DVL2: variants seen among roughly 807,000 people sequenced by gnomAD.
DVL2 encodes segment polarity protein dishevelled homolog DVL-2.
In DVL2, 38 loss-of-function variants were observed where a neutral mutation model predicts 69.8. The ratio of observed to expected loss-of-function variants is 0.54; its 90% CI spans 0.42 to 0.71. The LOEUF (loss-of-function observed/expected upper bound fraction) is 0.71, where lower values mean the gene tolerates loss of function less well. Ranked by LOEUF, DVL2 falls within the 30% of genes least tolerant of loss-of-function variation. The pLI is 0.00. For missense variants in DVL2, 931 were observed against 1,008.1 expected (o/e 0.92, Z 1.04); for synonymous variants, 428 against 392.4 (o/e 1.09, Z -1.07).
chr17:7,230,697 G>C, intron 2 of DVL2, 31 bp downstream of exon 2: 1 of 1,594,134 alleles, frequency 6.3e-7, no homozygotes, highest in Non-Finnish European at 8.6e-7. Flanking sequence ...AATGCTGAGG[G>C]GGCCTGGTCC....
chr17:7,231,894 A>C (rs2071549034), intron 1 of DVL2, among the ~76,000 whole-genome samples: 1 of 149,458 alleles, frequency 6.7e-6, no homozygotes, highest in Admixed American at 6.7e-5. Context: ...CACCCATTGG[A>C]TCAAACAAAC....
In DVL2 at chr17:7,230,287, G is replaced by A. The variant is rs2071523004; in HGVS notation, c.408C>T (p.Phe136=). ...SGIGDSRPPS[F]HPNVSSSHEN... ...AGTCAAGAATCTGAAGGACTCACTG[G>A]AAGGATGGAGGCCTTGAGTCCCCAA... The change falls in exon 3 of 15, where the codon TTC becomes TTT. Residue 136 remains phenylalanine (F), a splice_region_variant and synonymous_variant. Coordinates refer to ENST00000005340, the MANE Select transcript of DVL2 (RefSeq NM_004422.3). 1 of 1,614,134 alleles carries A rather than the reference G, an allele frequency of 6.2e-7. No homozygotes were observed. The highest frequency in any genetic ancestry group is 2.2e-5 in the East Asian group (1 of 44,872).
rs1292933775 is a variant in DVL2, at chr17:7,227,079, G to A, written c.1543+11C>T. The A allele has an allele frequency of 2.5e-6, 4 of 1,599,892 alleles. No individual in the cohort carries two copies. Among genetic ancestry groups the A allele is most frequent in the South Asian group, 1.1e-5 (1 of 89,230 alleles). On this transcript the variant is annotated intron_variant, in intron 13 of 14. Transcript: ENST00000005340. ...AAGCCACACTCCCAGAGTTGGGGCA[G>A]GGGGACTTACAGCTCTCACAGCCAC...
rs1044562820 is a variant in DVL2, at chr17:7,234,324, G to T, written c.-62C>A. 2 of 1,548,088 alleles carry T rather than the reference G, an allele frequency of 1.3e-6. No homozygotes were observed. The highest frequency in any genetic ancestry group is 2.7e-5 in the African/African-American group (2 of 72,886). On this transcript the variant is annotated 5_prime_UTR_variant, in exon 1 of 15. Transcript: ENST00000005340. Reference sequence around the variant, plus strand: ...CCAAAGGGCTAATGGCCCCTGCCGCGCCTGCGCACACCCGCAAACCGACGC... The same window carrying T: ...CCAAAGGGCTAATGGCCCCTGCCGCTCCTGCGCACACCCGCAAACCGACGC...
Position 7,226,653 on chromosome 17 carries a change from G to A in DVL2, c.1544-14C>T, listed in dbSNP as rs867386566. ...GGTTGACTAGGTCTGGAAAGCAAGG[G>A]AAGAGAGGAAGAAATCACTGCTTCA... On this transcript the variant is annotated splice_polypyrimidine_tract_variant and intron_variant, in intron 13 of 14. Coordinates refer to ENST00000005340, the MANE Select transcript of DVL2 (RefSeq NM_004422.3). 9.2e-6 allele frequency: 14 copies of A among 1,517,922 alleles called. No individual in the cohort carries two copies. In the Middle Eastern group the frequency reaches 1.8e-3, roughly 197 times the overall value. The allele number at this position is 1,517,922 out of a possible 1,614,324, so 94.0% of individuals were successfully genotyped here.
rs62059164 is a variant in DVL2, at chr17:7,228,052, G to A, written c.1035-8C>T. 2.0e-3 allele frequency: 3,084 copies of A among 1,531,234 alleles called. 47 individuals are homozygous for A. The African/African-American group carries it at 0.033, about 16-fold the overall frequency. The allele number at this position is 1,531,234 out of a possible 1,614,324, so 94.9% of individuals were successfully genotyped here. ...ACAGTCAGCACAATGGGGCTATGGG[G>A]AAGAGAAGTCCAGTCAAGGGCGCAG... is the stretch of plus-strand genomic sequence containing the variant. On this transcript the variant is annotated splice_polypyrimidine_tract_variant and splice_region_variant and intron_variant, in intron 9 of 14. Coordinates refer to ENST00000005340, the MANE Select transcript of DVL2 (RefSeq NM_004422.3).
chr17:7,227,914 C>T (rs1367270213), intron 10 of DVL2, 63 bp downstream of exon 10: 42 of 1,572,676 alleles, frequency 2.7e-5, no homozygotes, highest in Admixed American at 5.2e-5. Context: ...ACCACAGGCC[C>T]GGCCCCAGCC....
chr17:7,226,116 C>A lies in DVL2; in HGVS notation c.1960G>T (p.Gly654Cys). 1 of 1,598,844 alleles carries A rather than the reference C, an allele frequency of 6.3e-7. No individual in the cohort carries two copies. The highest frequency in any genetic ancestry group is 8.5e-7 in the Non-Finnish European group (1 of 1,172,006). Residue 654 changes from glycine to cysteine, a missense_variant, in exon 15 of 15, where the codon GGT (glycine) becomes TGT (cysteine). Physicochemically the swap from Gly to Cys is radical, Grantham distance 159 (BLOSUM62 -3). Coordinates refer to ENST00000005340, the MANE Select transcript of DVL2 (RefSeq NM_004422.3). ...GGGTGGGCTCGGAGATTAGGGGCACCCCCAGTTGAGCCTCTGGATGGAGGA... is the reference window on the plus strand; with the variant it reads ...GGGTGGGCTCGGAGATTAGGGGCACACCCAGTTGAGCCTCTGGATGGAGGA... ...GPPPSRGSTG[G>C]APNLRAHPGL...
rs764040369 is a variant in DVL2 at position 7,230,836 on chromosome 17, A to G, written c.195-39T>C. On this transcript the variant is annotated intron_variant, in intron 1 of 14. Transcript: ENST00000005340. ...AGGTAGAGGTCAGTGAGCTGGACCA[A>G]CCATCCCCACCCCGACCCCCATCAA... The G allele has an allele frequency of 2.7e-6, 4 of 1,505,786 alleles. No individual in the cohort carries two copies. In the South Asian group the frequency reaches 4.7e-5, roughly 18 times the overall value. The allele number at this position is 1,505,786 out of a possible 1,614,324, so 93.3% of individuals were successfully genotyped here.
At chr17:7,226,865 C>T (rs2071461577) in intron 13 of DVL2, 1 of 631,612 alleles carries the variant, frequency 1.6e-6, no homozygotes, top group African/African-American at 1.8e-5. Flanking sequence ...AAGAGGTGCA[C>T]CTTCCCCCGG....
rs1015638798 is a variant in DVL2, at chr17:7,230,082, C to T, written c.484G>A (p.Glu162Lys). ...ETESVVSLRR[E>K]RPRRRDSSEH... Reference sequence around the variant, plus strand: ...CTGCTGTCTCTCCTGCGAGGCCGCTCCCGCCTCAGTGACACTACTGACTCG... The same window carrying T: ...CTGCTGTCTCTCCTGCGAGGCCGCTTCCGCCTCAGTGACACTACTGACTCG... Residue 162 changes from glutamate to lysine, a missense_variant, in exon 4 of 15, where the codon GAG becomes AAG. Glu to Lys is a moderately conservative substitution (Grantham distance 56). Transcript: ENST00000005340. 3 of 1,614,066 alleles carry T rather than the reference C, an allele frequency of 1.9e-6. No homozygotes were observed. The African/African-American group carries it at 4.0e-5, about 22-fold the overall frequency.
At chr17:7,226,719 G>A (rs918547537) in intron 13 of DVL2, 80 bp from the exon 14 acceptor site, 7 of 1,155,086 alleles carry the variant, frequency 6.1e-6, no homozygotes, top group Middle Eastern at 2.7e-4. Context: ...GAGGAACTGG[G>A]AACAGTTCTC....
chr17:7,225,950 G>A lies in DVL2; in HGVS notation c.2126C>T (p.Ser709Phe), dbSNP rs2071437222. The change falls in exon 15 of 15, where the codon TCT becomes TTT. Residue 709 changes from serine (S) to phenylalanine (F), a missense_variant. By Grantham distance (155) the Ser-to-Phe change is radical (BLOSUM62 -2). This residue lies in a region of DVL2 where 314 missense variants were observed against 313.7 expected (regional missense o/e 1.00). Coordinates refer to ENST00000005340, the MANE Select transcript of DVL2 (RefSeq NM_004422.3). ...PGAPPVRDLG[S>F]VPPELTASRQ... is the part of the protein sequence containing the mutation. Reference sequence around the variant, plus strand: ...GCTGGCTGTCAGTTCTGGGGGCACAGAGCCCAGGTCTCTGACTGGAGGGGC... The same window carrying A: ...GCTGGCTGTCAGTTCTGGGGGCACAAAGCCCAGGTCTCTGACTGGAGGGGC... 1.9e-6 allele frequency: 3 copies of A among 1,613,734 alleles called. No homozygotes were observed. The highest frequency in any genetic ancestry group is 2.5e-6 in the Non-Finnish European group (3 of 1,180,038).
chr17:7,230,725 T>C lies in DVL2; in HGVS notation c.264+3A>G, dbSNP rs773972854. On this transcript the variant is annotated splice_donor_region_variant and intron_variant, in intron 2 of 14. Transcript: ENST00000005340. Reference sequence around the variant, plus strand: ...CCTGGTCCTCGGTGTCAGAACCTCTTACCCAGGATACCACCCTTCCGTTGA... The same window carrying C: ...CCTGGTCCTCGGTGTCAGAACCTCTCACCCAGGATACCACCCTTCCGTTGA... 3.7e-6 allele frequency: 6 copies of C among 1,611,384 alleles called. No individual in the cohort carries two copies. In the Admixed American group the frequency reaches 1.0e-4, roughly 27 times the overall value.
In DVL2 at chr17:7,225,596, T is replaced by TA. The variant is rs1004841341; in HGVS notation, c.*268dup. The TA allele has an allele frequency of 3.9e-6, 2 of 510,086 alleles. No homozygotes were observed. The highest frequency in any genetic ancestry group is 3.5e-6 in the Non-Finnish European group (1 of 288,014). 31.6% of individuals were successfully genotyped at this position (510,086 alleles called of 1,614,324 possible). A position where few individuals can be genotyped will look rare whatever the true frequency, so the allele number is the denominator to read the frequency against. On this transcript the variant is annotated 3_prime_UTR_variant, in exon 15 of 15. Coordinates refer to ENST00000005340, the MANE Select transcript of DVL2 (RefSeq NM_004422.3). Reference sequence around the variant, plus strand: ...TTCATATAAAAGAGGAAATGCCTATTAAAAAAGTCCCAAAAATGTAAGAAA... The same window carrying TA: ...TTCATATAAAAGAGGAAATGCCTATTAAAAAAAGTCCCAAAAATGTAAGAAA...
intron 1 of DVL2, among the ~76,000 whole-genome samples, chr17:7,231,822 C>T (rs1045872854): frequency 8.0e-5 from 12 of 149,646 alleles, no homozygotes; most frequent in Non-Finnish European, 1.6e-4. Flanking sequence ...GAGATTGCGC[C>T]GCTGCACTCC....
intron 9 of DVL2, 94 bp from the exon 10 acceptor site, chr17:7,228,138 G>A (rs2071486484): frequency 1.0e-5 from 11 of 1,067,090 alleles, no homozygotes; most frequent in African/African-American, 1.6e-5. Flanking sequence ...GAGACACAAA[G>A]AGGGGGAGAA....
chr17:7,229,366 C>G lies in DVL2; in HGVS notation c.817+12G>C, dbSNP rs368890151. 6.2e-7 allele frequency: 1 copy of G among 1,613,778 alleles called. No homozygotes were observed. The highest frequency in any genetic ancestry group is 1.1e-5 in the South Asian group (1 of 91,086). ...GCCCTCCCCACGCCCTAGCCACAGG[C>G]TCTCCCCATACCCATGTTTAGCGTG... On this transcript the variant is annotated intron_variant, in intron 7 of 14. Transcript: ENST00000005340. This position sits in a 1 kb window ranked among gnomAD's most constrained non-coding sequence, Gnocchi z 4.4.
At position 7,227,625 on chromosome 17, in the gene DVL2, A is replaced by T. The variant is rs573396012; in HGVS notation, c.1231+30T>A. Reference sequence around the variant, plus strand: ...CACTGCGGGACAGCCTTCTGCTGGGAGGGTGGGATGAGGTGGGCTGGCGGC... The same window carrying T: ...CACTGCGGGACAGCCTTCTGCTGGGTGGGTGGGATGAGGTGGGCTGGCGGC... On this transcript the variant is annotated intron_variant, in intron 11 of 14. Transcript: ENST00000005340. 1.1e-5 allele frequency: 18 copies of T among 1,614,062 alleles called. No homozygotes were observed. In the South Asian group the frequency reaches 2.0e-4, roughly 18 times the overall value.
Sources: allele counts gnomAD v4.1 joint callset (sites outside exome capture counted in the v4.1 genomes callset), GRCh38; gene constraint gnomAD v4.1.1; regional missense constraint gnomAD v4.1.1; non-coding constraint Gnocchi (gnomAD v3.1); transcripts MANE v1.5; gene names NCBI Gene and HGNC (gene_info 2026-07-23, HGNC 2026-07-21).